The following EPB41L3 variants were observed in gnomAD, a reference collection of about 807,000 sequenced individuals.
EPB41L3 encodes the protein band 4.1-like protein 3.
Under a neutral mutation model 127.1 loss-of-function variants are expected in EPB41L3, and 57 were observed. That is an observed-to-expected ratio of 0.45 (90% CI 0.36 to 0.56). EPB41L3 has a LOEUF of 0.56. Among genes scored for constraint, EPB41L3 ranks in the 20% least tolerant of loss-of-function variants. EPB41L3 has a pLI of 0.00. For missense variants in EPB41L3, 1,273 were observed against 1,372.2 expected (o/e 0.93, Z 1.14); for synonymous variants, 572 against 549.5 (o/e 1.04, Z -0.57).
intron 20 of EPB41L3, 39 bp from the exon 21 acceptor site, chr18:5,395,186 TG>T (rs754741995): frequency 6.4e-7 from 1 of 1,561,032 alleles, no homozygotes; most frequent in Middle Eastern, 1.7e-4. Context: ...ATTTACTCAC[TG>T]GGAGAAACCA....
At chr18:5,432,227 G>A (rs571284924) in intron 8 of EPB41L3, among the ~76,000 whole-genome samples, 11 of 152,182 alleles carry the variant, frequency 7.2e-5, no homozygotes, top group Non-Finnish European at 1.5e-4. Flanking sequence ...AGATCACAGA[G>A]CTCCCTGCAA....
intron 1 of EPB41L3, among the ~76,000 whole-genome samples, chr18:5,619,752 G>T (rs1449224600): frequency 6.6e-6 from 1 of 152,042 alleles, no homozygotes; most frequent in African/African-American, 2.4e-5. Context: ...ATTTTAATGG[G>T]AGCCATCTAG....
intron 3 of EPB41L3, among the ~76,000 whole-genome samples, chr18:5,608,449 T>G (rs1270808251): frequency 6.6e-6 from 1 of 152,192 alleles, no homozygotes; most frequent in East Asian, 1.9e-4. Flanking sequence ...ACGCACATCA[T>G]ACACTGCAAC....
intron 3 of EPB41L3, among the ~76,000 whole-genome samples, chr18:5,601,728 G>A (rs2094594077): frequency 6.6e-6 from 1 of 152,020 alleles, no homozygotes; most frequent in African/African-American, 2.4e-5. Flanking sequence ...TTCTTAAGTA[G>A]GTATTTACAT....
At chr18:5,419,617 T>C in intron 12 of EPB41L3, 94 bp downstream of exon 12, 1 of 1,534,962 alleles carries the variant, frequency 6.5e-7, no homozygotes, top group Non-Finnish European at 8.9e-7. Context: ...TGATTTATCC[T>C]AAATCTGAGC....
intron 3 of EPB41L3, among the ~76,000 whole-genome samples, chr18:5,568,794 A>G (rs966640581): frequency 1.1e-4 from 17 of 152,138 alleles, no homozygotes; most frequent in Non-Finnish European, 1.9e-4. Context: ...TTGTTGCAGG[A>G]TATGTTTTGT....
intron 3 of EPB41L3, among the ~76,000 whole-genome samples, chr18:5,590,071 C>T (rs867840320): frequency 2.6e-5 from 4 of 152,050 alleles, no homozygotes; most frequent in Admixed American, 6.6e-5. Flanking sequence ...CCACTGAGGG[C>T]GAAGGAGGAA....
rs1208812082 is a variant in EPB41L3 at position 5,488,995 on chromosome 18, G to A, written c.183+6C>T. ...CTGCGTCATTAGTTTTCTGGCCTGG[G>A]CTCACCTCCCTCCGCACCGGGGTGC... is the stretch of plus-strand genomic sequence containing the variant. On this transcript the variant is annotated splice_donor_region_variant and intron_variant, in intron 2 of 22. Transcript: ENST00000341928. The A allele has an allele frequency of 1.3e-6, 2 of 1,574,986 alleles. No individual in the cohort carries two copies. Among genetic ancestry groups the A allele is most frequent in the Non-Finnish European group, 1.7e-6 (2 of 1,171,220 alleles).
chr18:5,615,682 T>C (rs2094786434), intron 1 of EPB41L3, among the ~76,000 whole-genome samples: 1 of 152,228 alleles, frequency 6.6e-6, no homozygotes, highest in African/African-American at 2.4e-5. Flanking sequence ...CCTCAGTAAA[T>C]GGTAGTTCTT....
chr18:5,473,573 C>T (rs2086568400), intron 3 of EPB41L3, among the ~76,000 whole-genome samples: 1 of 151,422 alleles, frequency 6.6e-6, no homozygotes, highest in Non-Finnish European at 1.5e-5. Flanking sequence ...ACTACGAATA[C>T]ACTGTACACT....
At chr18:5,462,521 A>G (rs1200408522) in intron 3 of EPB41L3, among the ~76,000 whole-genome samples, 1 of 152,054 alleles carries the variant, frequency 6.6e-6, no homozygotes, top group African/African-American at 2.4e-5. Flanking sequence ...TGTTTGATGG[A>G]CCCTCATACG....
chr18:5,500,977 A>C (rs1038344238), intron 1 of EPB41L3, among the ~76,000 whole-genome samples: 10 of 152,188 alleles, frequency 6.6e-5, no homozygotes, highest in Middle Eastern at 3.2e-3. Context: ...GGTGAGAACA[A>C]GAAAGAAAAC....
chr18:5,535,900 C>A (rs1223879730), intron 1 of EPB41L3, among the ~76,000 whole-genome samples: 1 of 152,174 alleles, frequency 6.6e-6, no homozygotes, highest in Non-Finnish European at 1.5e-5. Flanking sequence ...AGAGAGAGAT[C>A]AAAGGAAGCT....
At chr18:5,472,022 C>T (rs9952940) in intron 3 of EPB41L3, among the ~76,000 whole-genome samples, 105,156 of 151,912 alleles carry the variant, frequency 0.69, 36,557 homozygotes, top group East Asian at 0.8. Flanking sequence ...AATAGGACTC[C>T]TACTGTTTAT....
intron 3 of EPB41L3, among the ~76,000 whole-genome samples, chr18:5,452,848 C>T (rs2082478161): frequency 6.6e-6 from 1 of 152,046 alleles, no homozygotes; most frequent in Non-Finnish European, 1.5e-5. Flanking sequence ...AGTTAAAATA[C>T]ACTTTTACTC....
At chr18:5,527,820 C>CT (rs1307350114) in intron 1 of EPB41L3, among the ~76,000 whole-genome samples, 1 of 152,172 alleles carries the variant, frequency 6.6e-6, no homozygotes, top group African/African-American at 2.4e-5. Flanking sequence ...AGAAGCATGA[C>CT]TCAGTTCAAG....
chr18:5,452,720 C>G (rs2082448231), intron 3 of EPB41L3, among the ~76,000 whole-genome samples: 2 of 151,904 alleles, frequency 1.3e-5, no homozygotes, highest in African/African-American at 4.8e-5. Context: ...AACGCAAAAA[C>G]ACTAACTTCC....
upstream of EPB41L3, among the ~76,000 whole-genome samples, chr18:5,547,712 T>C (rs12457384): frequency 0.56 from 84,683 of 152,010 alleles, 26,212 homozygotes; most frequent in Non-Finnish European, 0.68. Context: ...CTGAAGAGAT[T>C]GGATCCCCCA....
intron 5 of EPB41L3, 134 bp downstream of exon 5, chr18:5,443,704 G>T: frequency 1.6e-6 from 1 of 638,890 alleles, no homozygotes; most frequent in South Asian, 2.3e-5. Flanking sequence ...GAATACTATC[G>T]GAATTGCCAG....
Sources: gnomAD v4.1 joint callset for allele counts (sites outside exome capture counted in the v4.1 genomes callset) on GRCh38, gnomAD v4.1.1 for gene constraint, MANE v1.5 for transcripts, NCBI Gene and HGNC (gene_info 2026-07-23, HGNC 2026-07-21) for gene names.